Variants in ZSWIM8 observed in about 807,000 individuals in gnomAD.
The protein encoded by ZSWIM8 is zinc finger SWIM-type containing 8.
ZSWIM8 carries 27 observed loss-of-function variants against 173.7 expected under a neutral mutation model. The ratio of observed to expected loss-of-function variants is 0.16; its 90% CI spans 0.11 to 0.21. ZSWIM8 has a LOEUF of 0.21. Ranked by LOEUF, ZSWIM8 falls within the 10% of genes least tolerant of loss-of-function variation. The pLI is 1.00. For synonymous variants in ZSWIM8, 958 were observed against 962.0 expected (o/e 1.00, Z 0.08); for missense variants, 1,627 against 2,428.8 (o/e 0.67, Z 6.94).
chr10:73,796,230 T>C, intron 15 of ZSWIM8: 1 of 221,560 alleles, frequency 4.5e-6, no homozygotes, highest in South Asian at 4.8e-5. Context: ...GCGCCTGTAG[T>C]CCCAGCTACT....
intron 21 of ZSWIM8, 117 bp downstream of exon 21, chr10:73,799,607 T>A: frequency 7.1e-7 from 1 of 1,405,390 alleles, no homozygotes; most frequent in Non-Finnish European, 9.8e-7. Context: ...GGTGAGGTGG[T>A]GGGAGTCTGG....
At chr10:73,788,911 A>G in intron 2 of ZSWIM8, 88 bp downstream of exon 2, 1 of 1,551,734 alleles carries the variant, frequency 6.4e-7, no homozygotes, top group Non-Finnish European at 8.8e-7. Flanking sequence ...GAGACATTGT[A>G]TTTGGGGCAG....
Position 73,786,029 on chromosome 10 carries a change from C to A in ZSWIM8, c.151C>A (p.Pro51Thr). The change falls in exon 1 of 26, where the codon CCC becomes ACC. Residue 51 changes from proline to threonine, a missense_variant. Physicochemically the swap from Pro to Thr is conservative, Grantham distance 38. Coordinates refer to ENST00000604729, the MANE Select transcript of ZSWIM8 (RefSeq NM_001367799.1). ...GGGATGGCGCAAACAGTCAGCGGGG[C>A]CCAATTCCCCCACTGGCGGCGGTGG... Reference protein sequence around the residue: ...WRGWRKQSAGPNSPTGGGGGG... With the variant: ...WRGWRKQSAGTNSPTGGGGGG... The A allele has an allele frequency of 6.2e-7, 1 of 1,602,420 alleles. No homozygotes were observed.
rs776160727 is a variant in ZSWIM8, at chr10:73,794,183, C to T, written c.2662C>T (p.Leu888=). The change falls in exon 13 of 26, where the codon CTG becomes TTG. Residue 888 remains leucine, a synonymous_variant. Coordinates refer to ENST00000604729, the MANE Select transcript of ZSWIM8 (RefSeq NM_001367799.1). Reference sequence around the variant, plus strand: ...ATACCAGGAGTCTGAGGTGGCTGCCCTGCTCAAGAAGATCCCTCTGGGTCC... The same window carrying T: ...ATACCAGGAGTCTGAGGTGGCTGCCTTGCTCAAGAAGATCCCTCTGGGTCC... ...LAYQESEVAA[L]LKKIPLGPSE... The T allele has an allele frequency of 6.2e-7, 1 of 1,614,056 alleles. No individual in the cohort carries two copies. The highest frequency in any genetic ancestry group is 8.5e-7 in the Non-Finnish European group (1 of 1,179,902).
rs376305118 is a variant in ZSWIM8, at chr10:73,791,354, T to G, written c.1174T>G (p.Ser392Ala). The change falls in exon 9 of 26, where the codon TCA becomes GCA. Residue 392 changes from serine (S) to alanine (A), a missense_variant. Physicochemically the swap from Ser to Ala is moderately conservative, Grantham distance 99. Around this residue, in one of 18 missense-constraint regions of ZSWIM8, gnomAD observed 103 missense variants for 155.6 expected, o/e 0.66. Coordinates refer to ENST00000604729, the MANE Select transcript of ZSWIM8 (RefSeq NM_001367799.1). The surrounding 1 kb of genome is among the most constrained non-coding windows in gnomAD (Gnocchi z 6.0). ...AGGTTGGTGGTATAGCGTACGTACC[T>G]CAGCCTCACACAGCAGTGCCAGTGG... ...ITGWWYSVRT[S>A]ASHSSASGHT... The G allele has an allele frequency of 5.0e-6, 8 of 1,612,702 alleles. No individual in the cohort carries two copies. Among genetic ancestry groups the G allele is most frequent in the Non-Finnish European group, 8.5e-7 (1 of 1,178,968 alleles).
rs1427384806 is a variant in ZSWIM8, at chr10:73,800,140, C to A, written c.4795C>A (p.Pro1599Thr). The change falls in exon 22 of 26, where the codon CCA (proline) becomes ACA (threonine). Residue 1599 changes from proline to threonine, a missense_variant. Physicochemically the swap from Pro to Thr is conservative, Grantham distance 38. Coordinates refer to ENST00000604729, the MANE Select transcript of ZSWIM8 (RefSeq NM_001367799.1). This position sits in a 1 kb window ranked among gnomAD's most constrained non-coding sequence, Gnocchi z 4.1. ...PITVHPYHTE[P>T]GLPLPTSVAL... Reference sequence around the variant, plus strand: ...CACAGTACATCCCTACCACACAGAGCCAGGGCTTCCACTGCCCACCAGTGT... The same window carrying A: ...CACAGTACATCCCTACCACACAGAGACAGGGCTTCCACTGCCCACCAGTGT... 9 of 1,613,806 alleles carry A rather than the reference C, an allele frequency of 5.6e-6. No homozygotes were observed. Among genetic ancestry groups the A allele is most frequent in the Non-Finnish European group, 7.6e-6 (9 of 1,179,856 alleles).
Position 73,791,206 on chromosome 10 carries a change from G to T in ZSWIM8, c.1143+30G>T. ...TCACTCAGCGTTGGGGAGCCCCGTG[G>T]TAGCTCATTCTTTCCCTCCCCCTGC... On this transcript the variant is annotated intron_variant, in intron 8 of 25. Coordinates refer to ENST00000604729, the MANE Select transcript of ZSWIM8 (RefSeq NM_001367799.1). The surrounding 1 kb of genome is among the most constrained non-coding windows in gnomAD (Gnocchi z 6.0). 1 of 1,574,374 alleles carries T rather than the reference G, an allele frequency of 6.4e-7. No individual in the cohort carries two copies. Among genetic ancestry groups the T allele is most frequent in the African/African-American group, 1.3e-5 (1 of 74,334 alleles).
In ZSWIM8 at chr10:73,797,196, T is replaced by C. The variant is rs763705473; in HGVS notation, c.3358T>C (p.Leu1120=). Residue 1120 remains leucine, a synonymous_variant, in exon 17 of 26, where the codon TTG becomes CTG. Transcript: ENST00000604729. The surrounding 1 kb of genome is among the most constrained non-coding windows in gnomAD (Gnocchi z 5.6). The stretch of plus-strand genomic sequence containing the variant: ...GCCAGAAGGGAAGGTTCCTAGCCGC[T>C]TGGCACTTGGCAGTCGTGGAGGCTA... ...PRPEGKVPSR[L]ALGSRGGYNG... 5.6e-6 allele frequency: 9 copies of C among 1,613,832 alleles called. No homozygotes were observed. Among genetic ancestry groups the C allele is most frequent in the East Asian group, 2.2e-5 (1 of 44,888 alleles).
rs912997444 is a variant in ZSWIM8 at position 73,798,253 on chromosome 10, G to A, written c.3976G>A (p.Ala1326Thr). 10 of 1,613,872 alleles carry A rather than the reference G, an allele frequency of 6.2e-6. No individual in the cohort carries two copies. The highest frequency in any genetic ancestry group is 4.5e-5 in the East Asian group (2 of 44,906). ...AGGCCAGGCCATGGAGATAGGCAGC[G>A]CAGCCCTGACTATACTGGTAGAATG... ...ITGQAMEIGS[A>T]ALTILVECWD... The change falls in exon 20 of 26, where the codon GCA becomes ACA. Residue 1326 changes from alanine to threonine, a missense_variant. Ala to Thr is a moderately conservative substitution (Grantham distance 58). This residue lies in a region of ZSWIM8 where 95 missense variants were observed against 271.3 expected (regional missense o/e 0.35). Coordinates refer to ENST00000604729, the MANE Select transcript of ZSWIM8 (RefSeq NM_001367799.1).
chr10:73,794,465 A>C, intron 13 of ZSWIM8, 76 bp from the exon 14 acceptor site: 1 of 1,566,726 alleles, frequency 6.4e-7, no homozygotes, highest in South Asian at 1.1e-5. Flanking sequence ...TGTGATGATG[A>C]GGATTTTGGG....
chr10:73,786,048 G>T lies in ZSWIM8; in HGVS notation c.170G>T (p.Gly57Val). 1.3e-6 allele frequency: 2 copies of T among 1,594,916 alleles called. No individual in the cohort carries two copies. Among genetic ancestry groups the T allele is most frequent in the East Asian group, 2.3e-5 (1 of 43,030 alleles). ...QSAGPNSPTGGGGGGGSGGTR... is the reference protein window; with the variant it reads ...QSAGPNSPTGVGGGGGSGGTR... ...GCGGGGCCCAATTCCCCCACTGGCGGCGGTGGCGGAGGTGGCAGTGGCGGT... is the reference window on the plus strand; with the variant it reads ...GCGGGGCCCAATTCCCCCACTGGCGTCGGTGGCGGAGGTGGCAGTGGCGGT... The change falls in exon 1 of 26, where the codon GGC becomes GTC. Residue 57 changes from glycine to valine, a missense_variant. By Grantham distance (109) the Gly-to-Val change is moderately radical. Coordinates refer to ENST00000604729, the MANE Select transcript of ZSWIM8 (RefSeq NM_001367799.1).
chr10:73,794,788 C>T (rs2083553342), intron 14 of ZSWIM8, 149 bp downstream of exon 14: 5 of 646,712 alleles, frequency 7.7e-6, no homozygotes, highest in Non-Finnish European at 1.0e-5. Context: ...GAATTCAGGG[C>T]AAAAATGTGT....
intron 1 of ZSWIM8, 55 bp from the exon 2 acceptor site, chr10:73,788,615 T>G (rs1172423510): frequency 1.3e-6 from 2 of 1,594,502 alleles, no homozygotes; most frequent in Admixed American, 1.7e-5. Context: ...CAAGAGACCA[T>G]GGCCCTTTTC....
chr10:73,791,951 T>C lies in ZSWIM8; in HGVS notation c.1412T>C (p.Leu471Pro), dbSNP rs1305109880. ...CAACACAAGAAGACGCTGGAGCGGC[T>C]CTTCCCCGGCTTCCGGCCAGCGGTG... ...RGQHKKTLER[L>P]FPGFRPAVEA... Residue 471 changes from leucine to proline, a missense_variant, in exon 10 of 26, where the codon CTC (leucine) becomes CCC (proline). By Grantham distance (98) the Leu-to-Pro change is moderately conservative. Transcript: ENST00000604729. This position sits in a 1 kb window ranked among gnomAD's most constrained non-coding sequence, Gnocchi z 6.0. The C allele has an allele frequency of 1.3e-6, 2 of 1,551,266 alleles. No individual in the cohort carries two copies. Among genetic ancestry groups the C allele is most frequent in the Admixed American group, 3.9e-5 (2 of 51,008 alleles).
At position 73,800,417 on chromosome 10, in the gene ZSWIM8, C is replaced by T. The variant is rs748014919; in HGVS notation, c.4947C>T (p.His1649=). The change falls in exon 23 of 26, where the codon CAC becomes CAT. Residue 1649 remains histidine, a synonymous_variant. Transcript: ENST00000604729. The surrounding 1 kb of genome is among the most constrained non-coding windows in gnomAD (Gnocchi z 4.1). The stretch of plus-strand genomic sequence containing the variant: ...TTCCACCGCCCGAGGAGGAGACACA[C>T]AGTCAGCCAGTCAATCCCCACAGCC... ...GGFPPPEEET[H]SQPVNPHSLH... The T allele has an allele frequency of 1.9e-6, 3 of 1,613,878 alleles. No individual in the cohort carries two copies. The highest frequency in any genetic ancestry group is 1.3e-5 in the African/African-American group (1 of 75,024).
chr10:73,796,294 A>G (rs778142839), intron 15 of ZSWIM8: 12 of 313,670 alleles, frequency 3.8e-5, no homozygotes, highest in South Asian at 2.4e-4. Flanking sequence ...GGCTACAGTG[A>G]GCTATAATCA....
rs183190137 is a variant in ZSWIM8, at chr10:73,796,689, C to G, written c.3034-85C>G. ...CTGAGGATGTAGCAATTGGCTGTTTCAAGGAGAAAGGAAGGTAATAGAAGT... is the reference window on the plus strand; with the variant it reads ...CTGAGGATGTAGCAATTGGCTGTTTGAAGGAGAAAGGAAGGTAATAGAAGT... On this transcript the variant is annotated intron_variant, in intron 15 of 25. Coordinates refer to ENST00000604729, the MANE Select transcript of ZSWIM8 (RefSeq NM_001367799.1). The G allele has an allele frequency of 2.6e-6, 4 of 1,546,822 alleles. No individual in the cohort carries two copies. The Admixed American group carries it at 7.4e-5, about 29-fold the overall frequency.
intron 7 of ZSWIM8, 59 bp downstream of exon 7, chr10:73,790,351 A>G (rs2083373941): frequency 6.5e-7 from 1 of 1,537,896 alleles, no homozygotes; most frequent in Non-Finnish European, 8.7e-7. Context: ...CCTCAGGCTG[A>G]TGACAGATCC....
chr10:73,791,216 CT>C lies in ZSWIM8; in HGVS notation c.1143+43del, dbSNP rs768865639. On this transcript the variant is annotated intron_variant, in intron 8 of 25. Transcript: ENST00000604729. The surrounding 1 kb of genome is among the most constrained non-coding windows in gnomAD (Gnocchi z 6.0). The stretch of plus-strand genomic sequence containing the variant: ...TTGGGGAGCCCCGTGGTAGCTCATT[CT>C]TTCCCTCCCCCTGCCTCATCCTCCT... 1.7e-5 allele frequency: 27 copies of C among 1,570,138 alleles called. No individual in the cohort carries two copies. The Admixed American group carries it at 2.6e-4, about 15-fold the overall frequency.
Sources: allele counts gnomAD v4.1 joint callset, GRCh38; gene constraint gnomAD v4.1.1; regional missense constraint gnomAD v4.1.1; non-coding constraint Gnocchi (gnomAD v3.1); transcripts MANE v1.5; gene names NCBI Gene and HGNC (gene_info 2026-07-23, HGNC 2026-07-21).